The following USP24 variants were observed in gnomAD, a reference collection of about 807,000 sequenced individuals.
The protein encoded by USP24 is ubiquitin carboxyl-terminal hydrolase 24.
In USP24, 97 loss-of-function variants were observed where a neutral mutation model predicts 361.6. The ratio of observed to expected loss-of-function variants is 0.27; its 90% confidence interval spans 0.23 to 0.32. The LOEUF is 0.32. Ranked by LOEUF, USP24 falls within the 10% of genes least tolerant of loss-of-function variation. The probability of loss-of-function intolerance (pLI) is 1.00; values close to 1 mark genes in which losing one functional copy is unlikely to be tolerated. For synonymous variants in USP24, 1,098 were observed against 1,124.6 expected (o/e 0.98, Z 0.47); for missense variants, 2,353 against 3,165.6 (o/e 0.74, Z 6.16).
chr1:55,192,176 AT>A (rs1644307414), intron 1 of USP24, among the ~76,000 whole-genome samples: 2 of 152,092 alleles, frequency 1.3e-5, no homozygotes, highest in Non-Finnish European at 2.9e-5. Flanking sequence ...AAGTACCCTT[AT>A]TTTTTTAAAG....
At chr1:55,070,312 G>A (rs188198528) in intron 67 of USP24, among the ~76,000 whole-genome samples, 1 of 152,136 alleles carries the variant, frequency 6.6e-6, no homozygotes, top group Non-Finnish European at 1.5e-5. Context: ...TATGGAGTGA[G>A]GGCAGGAGGA....
intron 1 of USP24, among the ~76,000 whole-genome samples, chr1:55,192,617 C>A (rs1442163030): frequency 2.0e-5 from 3 of 152,198 alleles, no homozygotes; most frequent in Non-Finnish European, 4.4e-5. Flanking sequence ...GATTGCAAGT[C>A]ACTAATTTAT....
At chr1:55,177,886 A>G (rs1650148446) in intron 2 of USP24, 81 bp downstream of exon 2, 4 of 1,320,948 alleles carry the variant, frequency 3.0e-6, no homozygotes, top group Non-Finnish European at 4.1e-6. Context: ...ACACACAGCT[A>G]GGCAACAACA....
intron 1 of USP24, among the ~76,000 whole-genome samples, chr1:55,193,332 G>A (rs1644337506): frequency 6.6e-6 from 1 of 152,106 alleles, no homozygotes; most frequent in Non-Finnish European, 1.5e-5. Context: ...CCCCAAGGGG[G>A]TCCTGAAACC....
chr1:55,125,893 T>C (rs1212820223), intron 32 of USP24, 135 bp from the exon 33 acceptor site: 1 of 705,878 alleles, frequency 1.4e-6, no homozygotes. Context: ...AGAGCCTACA[T>C]ATATCTATCA....
At chr1:55,153,236 G>A (rs1300329481) in intron 16 of USP24, among the ~76,000 whole-genome samples, 1 of 152,124 alleles carries the variant, frequency 6.6e-6, no homozygotes, top group Non-Finnish European at 1.5e-5. Flanking sequence ...AACAACAGGA[G>A]AGCTGCAATC....
rs184116150 is a variant in USP24, at chr1:55,166,133, C to G, written c.862-183G>C. Among the ~76,000 whole-genome samples, 474 of 151,284 alleles carry G rather than the reference C, an allele frequency of 3.1e-3. 3 individuals are homozygous for G. Among genetic ancestry groups the G allele is most frequent in the African/African-American group, 0.011 (461 of 41,188 alleles). On this transcript the variant is annotated intron_variant, in intron 6 of 67. Transcript: ENST00000294383. ...GGTTTCCATCCCCTCAAGCATTTAT[C>G]CTTTGAGTTACAAACAATCCAATTA... is the stretch of plus-strand genomic sequence containing the variant.
intron 56 of USP24, among the ~76,000 whole-genome samples, chr1:55,084,738 C>A (rs1645215519): frequency 6.6e-6 from 1 of 152,062 alleles, no homozygotes; most frequent in African/African-American, 2.4e-5. Context: ...GGGAGGGGGG[C>A]AAATAGACAT....
rs1165658382 is a variant in USP24 at position 55,115,495 on chromosome 1, C to CAAA, written c.4508+5098_4508+5100dup. On this transcript the variant is annotated intron_variant, in intron 38 of 67. Coordinates refer to ENST00000294383, the MANE Select transcript of USP24 (RefSeq NM_015306.3). Reference sequence around the variant, plus strand: ...TGGGCGACAGAGCGAGACTCCGCCTCAAAAAAAAAAAAAAAAAAAAAGGAA... The same window carrying CAAA: ...TGGGCGACAGAGCGAGACTCCGCCTCAAAAAAAAAAAAAAAAAAAAAAAAGGAA... Among the ~76,000 whole-genome samples the CAAA allele has an allele frequency of 3.4e-3, 154 of 45,826 alleles. 7 individuals are homozygous for CAAA. The highest frequency in any genetic ancestry group is 0.01 in the African/African-American group (150 of 14,614). The allele number at this position is 45,826 out of a possible 152,430, so 30.1% of individuals were successfully genotyped here.
At chr1:55,190,262 T>A (rs1349423130) in intron 1 of USP24, among the ~76,000 whole-genome samples, 1 of 151,844 alleles carries the variant, frequency 6.6e-6, no homozygotes, top group African/African-American at 2.4e-5. Flanking sequence ...ACATTCTTGG[T>A]CTTAAAACTG....
At chr1:55,083,221 C>A (rs996272604) in intron 58 of USP24, 51 bp downstream of exon 58, 8 of 1,541,244 alleles carry the variant, frequency 5.2e-6, no homozygotes, top group Admixed American at 1.7e-5. Flanking sequence ...AGAAACACAG[C>A]GGCTATGAAA....
chr1:55,078,385 A>T (rs934777535), intron 61 of USP24, among the ~76,000 whole-genome samples, 153 bp downstream of exon 61: 7 of 152,180 alleles, frequency 4.6e-5, no homozygotes, highest in African/African-American at 1.7e-4. Context: ...AAAATTAAAG[A>T]TTAAAAATGA....
chr1:55,212,005 C>T (rs936443238), intron 1 of USP24, among the ~76,000 whole-genome samples: 11 of 152,162 alleles, frequency 7.2e-5, no homozygotes, highest in African/African-American at 2.4e-4. Context: ...ATTACTGTGT[C>T]CCATTCCTTT....
At chr1:55,182,646 C>T (rs936545141) in intron 1 of USP24, among the ~76,000 whole-genome samples, 1 of 152,144 alleles carries the variant, frequency 6.6e-6, no homozygotes, top group Non-Finnish European at 1.5e-5. Context: ...GCACAATTCT[C>T]ACTTCTTTGA....
intron 56 of USP24, among the ~76,000 whole-genome samples, chr1:55,085,106 C>T (rs1046233027): frequency 1.3e-4 from 20 of 152,334 alleles, no homozygotes; most frequent in South Asian, 2.1e-4. Flanking sequence ...AAAAATGGTT[C>T]TGCTATTTAA....
chr1:55,170,656 C>T (rs1649347603), intron 5 of USP24, among the ~76,000 whole-genome samples: 1 of 152,146 alleles, frequency 6.6e-6, no homozygotes, highest in Non-Finnish European at 1.5e-5. Context: ...AGTACATATT[C>T]ACTGTCCTTT....
intron 16 of USP24, among the ~76,000 whole-genome samples, chr1:55,153,102 G>A (rs113411584): frequency 6.6e-6 from 1 of 152,204 alleles, no homozygotes; most frequent in Non-Finnish European, 1.5e-5. Context: ...TGGGCACCCT[G>A]AGGGTCTAGG....
chr1:55,172,369 T>A lies in USP24; in HGVS notation c.702+8A>T. ...AACACAAAGTACTTAATTTTAGAGATACTATACCATTGTAAGCACACCCAG... is the reference window on the plus strand; with the variant it reads ...AACACAAAGTACTTAATTTTAGAGAAACTATACCATTGTAAGCACACCCAG... On this transcript the variant is annotated splice_region_variant and intron_variant, in intron 4 of 67. Transcript: ENST00000294383. The A allele has an allele frequency of 6.2e-7, 1 of 1,603,700 alleles. No homozygotes were observed. The highest frequency in any genetic ancestry group is 8.5e-7 in the Non-Finnish European group (1 of 1,175,920).
chr1:55,086,304 A>C, intron 55 of USP24: 1 of 499,756 alleles, frequency 2.0e-6, no homozygotes, highest in East Asian at 3.5e-5. Flanking sequence ...GATAAGAAGT[A>C]CTCCCATAAT....
Sources: allele counts gnomAD v4.1 joint callset (sites outside exome capture counted in the v4.1 genomes callset), GRCh38; gene constraint gnomAD v4.1.1; transcripts MANE v1.5; gene names NCBI Gene and HGNC (gene_info 2026-07-23, HGNC 2026-07-21).